Variants in CTDSPL2 observed in about 807,000 individuals in gnomAD.
CTDSPL2 encodes CTD small phosphatase like 2.
CTDSPL2 carries 5 observed loss-of-function variants against 60.0 expected under a neutral mutation model. The ratio of observed to expected loss-of-function variants is 0.08; its 90% confidence interval spans 0.04 to 0.18. The LOEUF is 0.18. Ranked by LOEUF, CTDSPL2 falls within the 10% of genes least tolerant of loss-of-function variation. The pLI, the probability that CTDSPL2 is intolerant of heterozygous loss-of-function variation, is 1.00. For missense variants in CTDSPL2, 370 were observed against 548.8 expected, an observed-to-expected ratio of 0.67 and a Z score of 3.26; for synonymous variants, 186 against 189.3, an observed-to-expected ratio of 0.98 and a Z score of 0.14.
chr15:44,468,611 G>C (rs1204458764), intron 2 of CTDSPL2, among the ~76,000 whole-genome samples: 1 of 152,014 alleles, frequency 6.6e-6, no homozygotes, highest in Non-Finnish European at 1.5e-5. Context: ...AATATTTCAG[G>C]TAAGAAATAT....
intron 1 of CTDSPL2, among the ~76,000 whole-genome samples, chr15:44,434,827 A>T (rs1041942524): frequency 6.6e-6 from 1 of 152,166 alleles, no homozygotes; most frequent in African/African-American, 2.4e-5. Flanking sequence ...AATGTTTTTG[A>T]TAAGTTTATT....
chr15:44,505,481 C>G (rs1051971303), intron 8 of CTDSPL2, among the ~76,000 whole-genome samples: 2 of 151,884 alleles, frequency 1.3e-5, no homozygotes, highest in Non-Finnish European at 2.9e-5. Context: ...CACCTCTAAT[C>G]CCAGCACTTT....
intron 1 of CTDSPL2, among the ~76,000 whole-genome samples, chr15:44,445,371 G>A (rs950261906): frequency 4.0e-5 from 6 of 151,568 alleles, no homozygotes; most frequent in Non-Finnish European, 5.9e-5. Context: ...TGTATTTTTA[G>A]TAGATACAGG....
At chr15:44,461,340 C>G (rs78372454) in intron 2 of CTDSPL2, among the ~76,000 whole-genome samples, 17 of 152,258 alleles carry the variant, frequency 1.1e-4, no homozygotes, top group African/African-American at 4.1e-4. Context: ...TTACCAATAA[C>G]ATAAACAATC....
intron 5 of CTDSPL2, among the ~76,000 whole-genome samples, chr15:44,495,073 G>A (rs1313246790): frequency 6.6e-6 from 1 of 152,150 alleles, no homozygotes; most frequent in Non-Finnish European, 1.5e-5. Flanking sequence ...CCGGGTTCAA[G>A]CGATTCTTCT....
chr15:44,431,238 C>T (rs868625783), intron 1 of CTDSPL2, among the ~76,000 whole-genome samples: 10 of 151,862 alleles, frequency 6.6e-5, no homozygotes, highest in Admixed American at 3.3e-4. Flanking sequence ...CTGGGCTTAC[C>T]GGCATGAGCC....
chr15:44,511,782 T>TG (rs1388183194), intron 8 of CTDSPL2, among the ~76,000 whole-genome samples: 1 of 147,290 alleles, frequency 6.8e-6, no homozygotes, highest in Non-Finnish European at 1.5e-5. Context: ...GCATGAGAAT[T>TG]GCTTGAACCT....
At chr15:44,475,638 CAAAA>C (rs3041871) in intron 2 of CTDSPL2, among the ~76,000 whole-genome samples, 4 of 134,084 alleles carry the variant, frequency 3.0e-5, no homozygotes, top group Non-Finnish European at 1.6e-5. Flanking sequence ...GACTTCGTCT[CAAAA>C]AAAAAAAAAA....
chr15:44,518,138 C>T (rs2556566), intron 10 of CTDSPL2, among the ~76,000 whole-genome samples: 14,732 of 152,000 alleles, frequency 0.097, 1,457 homozygotes, highest in African/African-American at 0.24. Flanking sequence ...GTAGAAAATA[C>T]CAGTTTCTTG....
intron 1 of CTDSPL2, among the ~76,000 whole-genome samples, chr15:44,438,246 A>G (rs2080016215): frequency 6.6e-6 from 1 of 150,950 alleles, no homozygotes; most frequent in Non-Finnish European, 1.5e-5. Flanking sequence ...CCTGGGTGAC[A>G]GAGCGAGACT....
chr15:44,471,701 A>AT (rs1567078994), intron 2 of CTDSPL2, among the ~76,000 whole-genome samples: 1 of 152,166 alleles, frequency 6.6e-6, no homozygotes, highest in East Asian at 1.9e-4. Context: ...CATGCACAGA[A>AT]TTGTGCAACC....
chr15:44,498,292 G>A (rs1470761898), intron 7 of CTDSPL2, among the ~76,000 whole-genome samples: 1 of 152,152 alleles, frequency 6.6e-6, no homozygotes, highest in Non-Finnish European at 1.5e-5. Flanking sequence ...TATATTTGGA[G>A]ATGTGGTTTA....
chr15:44,432,324 TATTA>T (rs932355425), intron 1 of CTDSPL2, among the ~76,000 whole-genome samples: 1 of 150,832 alleles, frequency 6.6e-6, no homozygotes, highest in African/African-American at 2.5e-5. Context: ...TTATTATTAT[TATTA>T]TTATTATTTG....
At chr15:44,429,319 C>T (rs1200145698) in intron 1 of CTDSPL2, among the ~76,000 whole-genome samples, 1 of 151,968 alleles carries the variant, frequency 6.6e-6, no homozygotes, top group Non-Finnish European at 1.5e-5. Flanking sequence ...AACTACTTGC[C>T]GAGTCAGTTT....
intron 2 of CTDSPL2, among the ~76,000 whole-genome samples, chr15:44,471,938 C>A (rs2080819184): frequency 6.6e-6 from 1 of 151,150 alleles, no homozygotes; most frequent in Non-Finnish European, 1.5e-5. Flanking sequence ...CTCAGGATCT[C>A]CTGGGGCTGT....
chr15:44,440,370 A>G (rs1248768261), intron 1 of CTDSPL2, among the ~76,000 whole-genome samples: 1 of 151,298 alleles, frequency 6.6e-6, no homozygotes, highest in Admixed American at 6.6e-5. Flanking sequence ...TAATTTTTGT[A>G]ATTTTAGTAG....
intron 2 of CTDSPL2, among the ~76,000 whole-genome samples, chr15:44,466,437 C>G (rs1246064816): frequency 6.6e-6 from 1 of 152,198 alleles, no homozygotes; most frequent in South Asian, 2.1e-4. Flanking sequence ...AAGATTCATT[C>G]ATATTCATTC....
At chr15:44,461,573 C>CTTT (rs35540014) in intron 2 of CTDSPL2, among the ~76,000 whole-genome samples, 6 of 125,662 alleles carry the variant, frequency 4.8e-5, no homozygotes, top group Non-Finnish European at 5.0e-5. Flanking sequence ...GTTTCTCTCC[C>CTTT]TTTTTTTTTT....
chr15:44,521,425 T>A lies in CTDSPL2; in HGVS notation c.1335+19T>A, dbSNP rs762181956. ...AGAACTGGTAAGTGTAGCTTATCTT[T>A]TTCTGTTGTGTTTTTGTTAGCTCAA... On this transcript the variant is annotated intron_variant, in intron 12 of 12. Coordinates refer to ENST00000260327, the MANE Select transcript of CTDSPL2 (RefSeq NM_016396.3). 6 of 1,321,290 alleles carry A rather than the reference T, an allele frequency of 4.5e-6. No homozygotes were observed. The highest frequency in any genetic ancestry group is 6.4e-6 in the Non-Finnish European group (6 of 936,566). 81.8% of individuals were successfully genotyped at this position (1,321,290 alleles called of 1,614,324 possible).
Sources: gnomAD v4.1 joint callset for allele counts (sites outside exome capture counted in the v4.1 genomes callset) on GRCh38, gnomAD v4.1.1 for gene constraint, MANE v1.5 for transcripts, NCBI Gene and HGNC (gene_info 2026-07-23, HGNC 2026-07-21) for gene names.